GHR: variants seen among roughly 807,000 people sequenced by gnomAD.
The protein encoded by GHR is growth hormone receptor.
A neutral mutation model predicts 67.1 loss-of-function variants in GHR; 35 were observed. That is an observed-to-expected ratio of 0.52 (90% CI 0.40 to 0.69). The LOEUF (loss-of-function observed/expected upper bound fraction) is 0.69, where lower values mean the gene tolerates loss of function less well. Ranked by LOEUF, GHR falls within the 30% of genes least tolerant of loss-of-function variation. GHR has a pLI of 0.00. For missense variants in GHR, 792 were observed against 764.6 expected (o/e 1.04, Z -0.42); for synonymous variants, 272 against 269.1 (o/e 1.01, Z -0.10).
chr5:42,432,273 A>T (rs189402754), intron 1 of GHR, among the ~76,000 whole-genome samples: 1 of 152,334 alleles, frequency 6.6e-6, no homozygotes, highest in East Asian at 1.9e-4. Flanking sequence ...ATCTTTTAAA[A>T]CTTTGAATTG....
At chr5:42,644,850 T>TA (rs949959054) in intron 3 of GHR, among the ~76,000 whole-genome samples, 1 of 152,090 alleles carries the variant, frequency 6.6e-6, no homozygotes, top group African/African-American at 2.4e-5. Flanking sequence ...AATTCCAAAA[T>TA]AAAAATAGAA....
intron 1 of GHR, among the ~76,000 whole-genome samples, chr5:42,563,483 T>A (rs1749733040): frequency 6.6e-6 from 1 of 151,712 alleles, no homozygotes; most frequent in Non-Finnish European, 1.5e-5. Flanking sequence ...CCGGGCGCGG[T>A]GGCGGGCGCC....
chr5:42,530,185 C>T (rs1255150778), intron 1 of GHR, among the ~76,000 whole-genome samples: 1 of 151,906 alleles, frequency 6.6e-6, no homozygotes, highest in Non-Finnish European at 1.5e-5. Flanking sequence ...ACACAGTTAC[C>T]ATTTGTGTGT....
intron 1 of GHR, among the ~76,000 whole-genome samples, chr5:42,540,980 T>C (rs1241515376): frequency 6.6e-6 from 1 of 151,726 alleles, no homozygotes; most frequent in African/African-American, 2.4e-5. Flanking sequence ...TTTCATCTTC[T>C]GATTCACAGG....
At chr5:42,546,619 C>G (rs960988882) in intron 1 of GHR, among the ~76,000 whole-genome samples, 4 of 152,068 alleles carry the variant, frequency 2.6e-5, no homozygotes, top group African/African-American at 9.7e-5. Context: ...ATTAGTTAGT[C>G]CAAGTCATGG....
At chr5:42,693,410 A>G (rs1757514223) in intron 4 of GHR, among the ~76,000 whole-genome samples, 2 of 151,968 alleles carry the variant, frequency 1.3e-5, no homozygotes, top group African/African-American at 4.8e-5. Context: ...AAGTGCTGGG[A>G]TTACAGGCAT....
intron 6 of GHR, among the ~76,000 whole-genome samples, chr5:42,709,752 C>G (rs1275045195): frequency 1.3e-5 from 2 of 151,930 alleles, no homozygotes. Flanking sequence ...GGAAAAGTAC[C>G]AGCAAAGACT....
chr5:42,624,581 A>G (rs1753608021), intron 2 of GHR, among the ~76,000 whole-genome samples: 1 of 152,266 alleles, frequency 6.6e-6, no homozygotes, highest in South Asian at 2.1e-4. Flanking sequence ...GGAGATAAGT[A>G]TACATCCATG....
intron 1 of GHR, among the ~76,000 whole-genome samples, chr5:42,537,918 T>G (rs894062931): frequency 1.3e-5 from 2 of 152,210 alleles, no homozygotes; most frequent in Admixed American, 1.3e-4. Context: ...GTGTCCCTGT[T>G]TGTCTCTTTT....
Position 42,718,035 on chromosome 5 carries a change from T to C in GHR, c.876-17T>C, listed in dbSNP as rs1758804101. The C allele has an allele frequency of 2.0e-6, 3 of 1,481,176 alleles. No homozygotes were observed. Among genetic ancestry groups the C allele is most frequent in the African/African-American group, 1.4e-5 (1 of 70,946 alleles). 91.8% of individuals were successfully genotyped at this position (1,481,176 alleles called of 1,614,324 possible). The stretch of plus-strand genomic sequence containing the variant: ...AGCTTTTAAGATGTCAAAACCAAAA[T>C]TTTATATGTTTTCAAGGATTAAAAT... On this transcript the variant is annotated splice_polypyrimidine_tract_variant and intron_variant, in intron 8 of 9. Transcript: ENST00000230882.
rs1451526618 is a variant in GHR, at chr5:42,713,536, ATTC to A, written c.875+20_875+22del. The A allele has an allele frequency of 1.0e-6, 1 of 1,003,190 alleles. No individual in the cohort carries two copies. Among genetic ancestry groups the A allele is most frequent in the South Asian group, 1.3e-5 (1 of 78,992 alleles). The allele number at this position is 1,003,190 out of a possible 1,614,324, so 62.1% of individuals were successfully genotyped here. A position where few individuals can be genotyped will look rare whatever the true frequency, so the allele number is the denominator to read the frequency against. Reference sequence around the variant, plus strand: ...ACAGCAAAGGTAGGTGTGGAGTAGTATTCTTTGGTATTTTGTACCAGTTGTTTA... The same window carrying A: ...ACAGCAAAGGTAGGTGTGGAGTAGTATTTGGTATTTTGTACCAGTTGTTTA... On this transcript the variant is annotated intron_variant, in intron 8 of 9. Coordinates refer to ENST00000230882, the MANE Select transcript of GHR (RefSeq NM_000163.5).
chr5:42,497,649 T>G (rs1746376010), intron 1 of GHR, among the ~76,000 whole-genome samples: 1 of 152,192 alleles, frequency 6.6e-6, no homozygotes, highest in African/African-American at 2.4e-5. Flanking sequence ...CTTATGTACC[T>G]TCACCTCAAA....
At chr5:42,474,295 G>GAAAAAGAAAGAAAGAAAGAAAGAA (rs147851081) in intron 1 of GHR, among the ~76,000 whole-genome samples, 1 of 81,070 alleles carries the variant, frequency 1.2e-5, no homozygotes, top group African/African-American at 5.7e-5. Flanking sequence ...AAAAGAGAAA[G>GAAAAAGAAAGAAAGAAAGAAAGAA]AGAAAGAAAG....
rs1758439544 is a variant in GHR at position 42,711,202 on chromosome 5, G to A, written c.619-5G>A. 1.2e-6 allele frequency: 2 copies of A among 1,611,006 alleles called. No homozygotes were observed. Among genetic ancestry groups the A allele is most frequent in the South Asian group, 1.1e-5 (1 of 90,994 alleles). On this transcript the variant is annotated splice_polypyrimidine_tract_variant and splice_region_variant and intron_variant, in intron 6 of 9. Coordinates refer to ENST00000230882, the MANE Select transcript of GHR (RefSeq NM_000163.5). ...CCAATATGCGTTTATATTTTGTCTT[G>A]AAAGATGGACCCTATATTGACAACA...
At chr5:42,486,941 A>C (rs1371966197) in intron 1 of GHR, among the ~76,000 whole-genome samples, 1 of 152,104 alleles carries the variant, frequency 6.6e-6, no homozygotes, top group Non-Finnish European at 1.5e-5. Flanking sequence ...AACTTCTTAC[A>C]TTTCTGTAGT....
At chr5:42,697,683 A>C (rs980826341) in intron 5 of GHR, among the ~76,000 whole-genome samples, 6 of 152,166 alleles carry the variant, frequency 3.9e-5, no homozygotes, top group African/African-American at 1.4e-4. Flanking sequence ...CAAGACAGTC[A>C]AATCTACCCA....
At chr5:42,479,642 A>G (rs530128166) in intron 1 of GHR, among the ~76,000 whole-genome samples, 2 of 152,212 alleles carry the variant, frequency 1.3e-5, no homozygotes, top group Non-Finnish European at 2.9e-5. Context: ...GAATTTATCC[A>G]TTTCTTCTAG....
At chr5:42,473,275 T>A (rs1048773340) in intron 1 of GHR, among the ~76,000 whole-genome samples, 3 of 152,122 alleles carry the variant, frequency 2.0e-5, no homozygotes, top group Non-Finnish European at 4.4e-5. Flanking sequence ...GCCCTGGAAC[T>A]CTTGGAGTGC....
At chr5:42,484,214 T>C (rs1745781157) in intron 1 of GHR, among the ~76,000 whole-genome samples, 1 of 152,260 alleles carries the variant, frequency 6.6e-6, no homozygotes, top group Non-Finnish European at 1.5e-5. Flanking sequence ...TGTGACTTCT[T>C]ACATATGAAG....
Sources: allele counts gnomAD v4.1 joint callset (sites outside exome capture counted in the v4.1 genomes callset), GRCh38; gene constraint gnomAD v4.1.1; transcripts MANE v1.5; gene names NCBI Gene and HGNC (gene_info 2026-07-23, HGNC 2026-07-21).